BCAR3: variants seen among roughly 807,000 people sequenced by gnomAD.
BCAR3 encodes BCAR3 adaptor protein, NSP family member.
Under a neutral mutation model 80.1 loss-of-function variants are expected in BCAR3, and 37 were observed. The observed-to-expected ratio is 0.46, with a 90% confidence interval of 0.36 to 0.61. The LOEUF is 0.61. Ranked by LOEUF, BCAR3 falls within the 20% of genes least tolerant of loss-of-function variation. The pLI is 0.00. For missense variants in BCAR3, 978 were observed against 1,068.2 expected (o/e 0.92, Z 1.18); for synonymous variants, 389 against 418.9 (o/e 0.93, Z 0.87).
intron 2 of BCAR3, among the ~76,000 whole-genome samples, chr1:93,716,584 T>C (rs970148785): frequency 1.3e-5 from 2 of 152,178 alleles, no homozygotes; most frequent in African/African-American, 4.8e-5. Context: ...CAAGATCACT[T>C]GAGGGAGCTG....
intron 4 of BCAR3, among the ~76,000 whole-genome samples, chr1:93,591,231 T>C (rs1294049121): frequency 7.0e-6 from 1 of 143,746 alleles, no homozygotes; most frequent in African/African-American, 2.7e-5. Context: ...TCCCAGCACT[T>C]TGGGAGGCTG....
At chr1:93,682,469 G>A (rs1021918097), upstream of BCAR3, among the ~76,000 whole-genome samples, 1 of 152,210 alleles carries the variant, frequency 6.6e-6, no homozygotes, top group African/African-American at 2.4e-5. Flanking sequence ...AGGTGCTGCT[G>A]TGCTGTATTG....
At chr1:93,640,272 TG>T (rs1430462288) in intron 3 of BCAR3, among the ~76,000 whole-genome samples, 2 of 152,200 alleles carry the variant, frequency 1.3e-5, no homozygotes, top group African/African-American at 4.8e-5. Flanking sequence ...GATGGGTCCC[TG>T]GGTCCCCTTG....
chr1:93,564,195 GTA>G (rs1429006386), intron 11 of BCAR3, among the ~76,000 whole-genome samples: 1 of 151,030 alleles, frequency 6.6e-6, no homozygotes, highest in Non-Finnish European at 1.5e-5. Flanking sequence ...AGAGTTCTTT[GTA>G]TAGCCTAGAT....
intron 2 of BCAR3, among the ~76,000 whole-genome samples, chr1:93,652,498 C>T (rs556761468): frequency 1.9e-4 from 29 of 152,184 alleles, no homozygotes; most frequent in Middle Eastern, 3.4e-3. Context: ...CCCTATAGAC[C>T]GAGCCTCTAA....
intron 2 of BCAR3, among the ~76,000 whole-genome samples, chr1:93,741,566 T>TTTA (rs1213845332): frequency 6.6e-6 from 1 of 152,058 alleles, no homozygotes; most frequent in Non-Finnish European, 1.5e-5. Flanking sequence ...ATTATTTTAT[T>TTTA]TTATTATTAT....
At chr1:93,808,920 A>C (rs1225039968) in intron 2 of BCAR3, among the ~76,000 whole-genome samples, 1 of 152,192 alleles carries the variant, frequency 6.6e-6, no homozygotes, top group Non-Finnish European at 1.5e-5. Flanking sequence ...AAATAAGATA[A>C]ATATTATTTT....
intron 2 of BCAR3, among the ~76,000 whole-genome samples, chr1:93,806,343 C>G (rs1478216703): frequency 6.6e-6 from 1 of 152,144 alleles, no homozygotes; most frequent in African/African-American, 2.4e-5. Flanking sequence ...ATATATGAAC[C>G]TGGGAGGCAG....
chr1:93,816,067 G>A (rs1654005542), intron 2 of BCAR3, among the ~76,000 whole-genome samples: 2 of 152,124 alleles, frequency 1.3e-5, no homozygotes, highest in Non-Finnish European at 2.9e-5. Context: ...TATGCAAAAG[G>A]CCAGCTGCTA....
chr1:93,639,867 G>C (rs1479720605), intron 3 of BCAR3, among the ~76,000 whole-genome samples: 1 of 152,112 alleles, frequency 6.6e-6, no homozygotes, highest in Non-Finnish European at 1.5e-5. Flanking sequence ...GGCCACAACT[G>C]GGTGCTTCCC....
chr1:93,698,446 G>A (rs1649502523), intron 3 of BCAR3, among the ~76,000 whole-genome samples: 1 of 152,198 alleles, frequency 6.6e-6, no homozygotes, highest in African/African-American at 2.4e-5. Flanking sequence ...GGACCTTACT[G>A]GGTGGGGGCT....
At chr1:93,714,197 G>A (rs1246933576) in intron 2 of BCAR3, among the ~76,000 whole-genome samples, 1 of 152,154 alleles carries the variant, frequency 6.6e-6, no homozygotes, top group Non-Finnish European at 1.5e-5. Flanking sequence ...TAGCCAGGAT[G>A]GTCTCGATCT....
At chr1:93,830,422 G>A (rs920388611) in intron 2 of BCAR3, among the ~76,000 whole-genome samples, 77 of 152,252 alleles carry the variant, frequency 5.1e-4, no homozygotes, top group African/African-American at 1.6e-3. Context: ...GAAAATGGCC[G>A]GTTCCTGCCT....
chr1:93,798,051 C>T (rs896150746), intron 2 of BCAR3, among the ~76,000 whole-genome samples: 1 of 152,172 alleles, frequency 6.6e-6, no homozygotes, highest in Non-Finnish European at 1.5e-5. Context: ...TAGCACAAAC[C>T]TTATGAACTA....
intron 2 of BCAR3, among the ~76,000 whole-genome samples, chr1:93,811,380 CATGGAGCTGTGTATACTATTA>C (rs1269440213): frequency 7.2e-5 from 11 of 152,200 alleles, no homozygotes; most frequent in African/African-American, 2.7e-4. Flanking sequence ...CTAGGCTTTG[CATGGAGCTGTGTATACTATTA>C]GTATTGTCCT....
intron 2 of BCAR3, among the ~76,000 whole-genome samples, chr1:93,660,675 C>A (rs964739155): frequency 1.3e-5 from 2 of 152,172 alleles, no homozygotes; most frequent in African/African-American, 4.8e-5. Context: ...GTGCATATAG[C>A]CTTTGCTAAA....
chr1:93,646,721 T>G (rs1676157426), intron 2 of BCAR3: 1 of 152,176 alleles, frequency 6.6e-6, no homozygotes, highest in Admixed American at 6.5e-5. Context: ...AGAATAATCT[T>G]TGCTTGTGTA....
intron 3 of BCAR3, chr1:93,613,869 C>T (rs1037155723): frequency 3.9e-5 from 61 of 1,550,320 alleles, no homozygotes; most frequent in Middle Eastern, 1.7e-4. Context: ...GAAAGACTTG[C>T]GGTGATAGAA....
At chr1:93,724,472 G>A (rs1650511457) in intron 2 of BCAR3, among the ~76,000 whole-genome samples, 1 of 152,230 alleles carries the variant, frequency 6.6e-6, no homozygotes, top group Non-Finnish European at 1.5e-5. Context: ...CATGTAAGTG[G>A]TGCCTGCAGA....
Sources: gnomAD v4.1 joint callset for allele counts (sites outside exome capture counted in the v4.1 genomes callset) on GRCh38, gnomAD v4.1.1 for gene constraint, MANE v1.5 for transcripts, NCBI Gene and HGNC (gene_info 2026-07-23, HGNC 2026-07-21) for gene names.